The following EPHB1 variants were observed in gnomAD, a reference collection of about 807,000 sequenced individuals.
EPHB1 encodes the protein ephrin type-B receptor 1.
EPHB1 carries 30 observed loss-of-function variants against 94.4 expected under a neutral mutation model. That is an observed-to-expected ratio of 0.32 (90% confidence interval 0.24 to 0.43). The LOEUF is 0.43. Ranked by LOEUF, EPHB1 falls within the 20% of genes least tolerant of loss-of-function variation. The probability of loss-of-function intolerance (pLI) is 1.00; values close to 1 mark genes in which losing one functional copy is unlikely to be tolerated. For synonymous variants in EPHB1, 522 were observed against 489.1 expected, an observed-to-expected ratio of 1.07 and a Z score of -0.89; for missense variants, 1,055 against 1,308.3, an observed-to-expected ratio of 0.81 and a Z score of 2.99.
At chr3:134,911,398 T>C (rs2038450546) in intron 1 of EPHB1, among the ~76,000 whole-genome samples, 1 of 152,128 alleles carries the variant, frequency 6.6e-6, no homozygotes, top group Non-Finnish European at 1.5e-5. Flanking sequence ...GCTGGGCAGT[T>C]AGGCAAACTT....
intron 3 of EPHB1, among the ~76,000 whole-genome samples, chr3:135,104,682 A>G (rs904516780): frequency 3.0e-4 from 46 of 152,254 alleles, no homozygotes; most frequent in African/African-American, 1.1e-3. Flanking sequence ...GCATTTCAAA[A>G]TATCTGGCCA....
At chr3:134,887,666 T>A (rs2037887135) in intron 1 of EPHB1, among the ~76,000 whole-genome samples, 1 of 152,218 alleles carries the variant, frequency 6.6e-6, no homozygotes, top group African/African-American at 2.4e-5. Context: ...TGGGGAGTGA[T>A]GATAAAGGAA....
intron 15 of EPHB1, among the ~76,000 whole-genome samples, chr3:135,255,995 T>C (rs1390421914): frequency 1.1e-4 from 17 of 150,794 alleles, no homozygotes; most frequent in Non-Finnish European, 3.0e-5. Context: ...TCTCTTTTGA[T>C]CTTTGTTGGT....
At chr3:134,931,269 C>G (rs1042976266) in intron 2 of EPHB1, among the ~76,000 whole-genome samples, 4 of 152,204 alleles carry the variant, frequency 2.6e-5, no homozygotes, top group African/African-American at 4.8e-5. Flanking sequence ...TGCTTTCAGC[C>G]CCTGGCTGTG....
intron 1 of EPHB1, among the ~76,000 whole-genome samples, chr3:134,816,083 G>GTTT (rs71624054): frequency 8.3e-5 from 8 of 96,426 alleles, no homozygotes; most frequent in African/African-American, 3.0e-4. Context: ...TTCTGTTTCT[G>GTTT]TTTTTTTTTT....
chr3:135,094,033 C>T (rs1420293867), intron 3 of EPHB1, among the ~76,000 whole-genome samples: 1 of 152,182 alleles, frequency 6.6e-6, no homozygotes, highest in Non-Finnish European at 1.5e-5. Context: ...AACAATATTG[C>T]CATGAGTGCC....
chr3:135,128,122 A>G (rs1940277141), intron 4 of EPHB1, among the ~76,000 whole-genome samples: 2 of 152,234 alleles, frequency 1.3e-5, no homozygotes, highest in Admixed American at 1.3e-4. Context: ...TTAGACGGGG[A>G]GACCACGGTG....
At position 135,069,833 on chromosome 3, in the gene EPHB1, A is replaced by G. The variant is rs1175248804; in HGVS notation, c.806-36615A>G. Among the ~76,000 whole-genome samples, 3 of 152,270 alleles carry G rather than the reference A, an allele frequency of 2.0e-5. No homozygotes were observed. The South Asian group carries it at 6.2e-4, about 32-fold the overall frequency. The stretch of plus-strand genomic sequence containing the variant: ...CCCACCAATACATGATTAAAAAAAA[A>G]AGCTAGAATGGTTTGATTATGGCAG... On this transcript the variant is annotated intron_variant, in intron 3 of 15. Coordinates refer to ENST00000398015, the MANE Select transcript of EPHB1 (RefSeq NM_004441.5).
At chr3:135,106,413 T>G (rs1220433372) in intron 3 of EPHB1, 35 bp from the exon 4 acceptor site, 2 of 1,610,658 alleles carry the variant, frequency 1.2e-6, no homozygotes, top group Non-Finnish European at 1.7e-6. Context: ...CTGCCACACT[T>G]CCATTAATTA....
chr3:135,153,840 T>C (rs1478508662), intron 5 of EPHB1, among the ~76,000 whole-genome samples: 1 of 152,232 alleles, frequency 6.6e-6, no homozygotes, highest in African/African-American at 2.4e-5. Context: ...TCCTTCAGTC[T>C]TTTCCTTTGA....
chr3:135,169,066 G>A (rs1381549573), intron 9 of EPHB1, among the ~76,000 whole-genome samples: 3 of 152,116 alleles, frequency 2.0e-5, no homozygotes, highest in Non-Finnish European at 4.4e-5. Context: ...TGCTCTCGAG[G>A]AGTAGCTATG....
At chr3:134,894,488 G>A (rs1349535303) in intron 1 of EPHB1, among the ~76,000 whole-genome samples, 3 of 152,188 alleles carry the variant, frequency 2.0e-5, no homozygotes, top group South Asian at 2.1e-4. Context: ...GTTGCACCTC[G>A]TGTGCCCATT....
intron 4 of EPHB1, among the ~76,000 whole-genome samples, chr3:135,119,729 G>A (rs999282252): frequency 9.2e-5 from 14 of 152,164 alleles, no homozygotes; most frequent in African/African-American, 3.4e-4. Context: ...TGTAGTTACA[G>A]GCGTGAGCCA....
chr3:135,013,989 G>A (rs959745779), intron 3 of EPHB1, among the ~76,000 whole-genome samples: 2 of 152,174 alleles, frequency 1.3e-5, no homozygotes, highest in Non-Finnish European at 2.9e-5. Context: ...GTTCATTCCT[G>A]CTTGAGTCGG....
At chr3:135,237,277 TACACACACACACACACAC>T (rs10572168) in intron 12 of EPHB1, among the ~76,000 whole-genome samples, 10 of 147,458 alleles carry the variant, frequency 6.8e-5, no homozygotes, top group African/African-American at 2.5e-4. Flanking sequence ...CACCAAATTC[TACACACACACACACACAC>T]ACACACACAC....
intron 7 of EPHB1, among the ~76,000 whole-genome samples, chr3:135,165,452 T>G (rs2107699477): frequency 6.6e-6 from 1 of 152,302 alleles, no homozygotes; most frequent in East Asian, 1.9e-4. Context: ...GAACTCAGAG[T>G]GCTGGGCCAT....
chr3:135,089,946 CCTCTAAT>C (rs1244412282), intron 3 of EPHB1, among the ~76,000 whole-genome samples: 1 of 152,224 alleles, frequency 6.6e-6, no homozygotes, highest in Non-Finnish European at 1.5e-5. Context: ...ATCCTTAACA[CCTCTAAT>C]CTCTGCTGCA....
intron 1 of EPHB1, among the ~76,000 whole-genome samples, chr3:134,914,234 G>A (rs1454564271): frequency 1.3e-5 from 2 of 152,184 alleles, no homozygotes; most frequent in African/African-American, 4.8e-5. Context: ...GGGTTTGTGA[G>A]AGGTTCTACT....
At chr3:135,230,176 A>C (rs1943499294) in intron 12 of EPHB1, among the ~76,000 whole-genome samples, 1 of 152,142 alleles carries the variant, frequency 6.6e-6, no homozygotes, top group African/African-American at 2.4e-5. Flanking sequence ...AGAAGGGGAG[A>C]TAGTGGGGTG....
Sources: allele counts gnomAD v4.1 joint callset (sites outside exome capture counted in the v4.1 genomes callset), GRCh38; gene constraint gnomAD v4.1.1; transcripts MANE v1.5; gene names NCBI Gene and HGNC (gene_info 2026-07-23, HGNC 2026-07-21).